CLEC16A: variants seen among roughly 807,000 people sequenced by gnomAD.
The protein encoded by CLEC16A is C-type lectin domain containing 16A.
In CLEC16A, 51 loss-of-function variants were observed where a neutral mutation model predicts 109.5. The observed-to-expected ratio is 0.47, with a 90% CI of 0.37 to 0.59. The LOEUF is 0.59. Ranked by LOEUF, CLEC16A falls within the 20% of genes least tolerant of loss-of-function variation. The pLI, the probability that CLEC16A is intolerant of heterozygous loss-of-function variation, is 0.00. For synonymous variants in CLEC16A, 673 were observed against 564.2 expected, an observed-to-expected ratio of 1.19 and a Z score of -2.73; for missense variants, 1,339 against 1,394.0, an observed-to-expected ratio of 0.96 and a Z score of 0.63.
rs560802766 is a variant in CLEC16A, at chr16:11,161,361, C to T, written c.2642-5027C>T. Among the ~76,000 whole-genome samples, 6 of 152,220 alleles carry T rather than the reference C, an allele frequency of 3.9e-5. No individual in the cohort carries two copies. The South Asian group carries it at 1.0e-3, about 26-fold the overall frequency. On this transcript the variant is annotated intron_variant, in intron 22 of 23. Coordinates refer to ENST00000409790, the MANE Select transcript of CLEC16A (RefSeq NM_015226.3). ...CTCCTCCCAGGCTAATGCTGAGCTG[C>T]GTGAGCCATGAAGAATGGGGCAGGG... is the stretch of plus-strand genomic sequence containing the variant.
Position 10,961,022 on chromosome 16 carries a change from AG to A in CLEC16A, c.210-1431del, listed in dbSNP as rs2146051421. The stretch of plus-strand genomic sequence containing the variant: ...TCCCCTATGGAGTTTTAAAAAATCT[AG>A]GTTCATGGATTTTATGCTAGACCTA... On this transcript the variant is annotated intron_variant, in intron 2 of 23. Transcript: ENST00000409790. The surrounding 1 kb of genome is among the most constrained non-coding windows in gnomAD (Gnocchi z 4.3). 6.6e-6 allele frequency among the ~76,000 whole-genome samples: 1 copy of A among 152,202 alleles called. No individual in the cohort carries two copies. The highest frequency in any genetic ancestry group is 2.4e-5 in the African/African-American group (1 of 41,514).
At chr16:10,978,460 C>T (rs973988567) in intron 8 of CLEC16A, among the ~76,000 whole-genome samples, 6 of 152,142 alleles carry the variant, frequency 3.9e-5, no homozygotes, top group African/African-American at 1.2e-4. Flanking sequence ...TTAGTAGAAA[C>T]GGGGTTTCAC....
At position 11,179,343 on chromosome 16, in the gene CLEC16A, C is replaced by G. The variant is rs2068887931; in HGVS notation, c.*653C>G. 1 of 152,140 alleles carries G rather than the reference C, an allele frequency of 6.6e-6. No homozygotes were observed. 9.4% of individuals were successfully genotyped at this position (152,140 alleles called of 1,614,324 possible). A position where few individuals can be genotyped will look rare whatever the true frequency, so the allele number is the denominator to read the frequency against. On this transcript the variant is annotated 3_prime_UTR_variant, in exon 24 of 24. Coordinates refer to ENST00000409790, the MANE Select transcript of CLEC16A (RefSeq NM_015226.3). The stretch of plus-strand genomic sequence containing the variant: ...CATTTATTTAAGTGATTCTTTGTTA[C>G]TCACTAACTCTGCAAGCCTGTGGAA...
At chr16:11,079,307 C>A (rs144457828) in intron 19 of CLEC16A, among the ~76,000 whole-genome samples, 2 of 152,332 alleles carry the variant, frequency 1.3e-5, no homozygotes, top group East Asian at 3.9e-4. Flanking sequence ...GGAGTAGAGA[C>A]TGTCCAGGCC....
At chr16:11,170,959 G>A (rs989705616) in intron 23 of CLEC16A, among the ~76,000 whole-genome samples, 1 of 152,208 alleles carries the variant, frequency 6.6e-6, no homozygotes, top group Non-Finnish European at 1.5e-5. Context: ...GGTTGGTGAG[G>A]CCCTGGTCCG....
chr16:11,030,263 C>G (rs1330142004), intron 13 of CLEC16A, among the ~76,000 whole-genome samples: 1 of 152,134 alleles, frequency 6.6e-6, no homozygotes, highest in Non-Finnish European at 1.5e-5. Context: ...GGATAAATAC[C>G]TAGGAATGGA....
At chr16:10,970,688 G>A (rs1202032548) in intron 4 of CLEC16A, among the ~76,000 whole-genome samples, 1 of 152,218 alleles carries the variant, frequency 6.6e-6, no homozygotes, top group Non-Finnish European at 1.5e-5. Flanking sequence ...CTGGGCATGA[G>A]CCACCACTCC....
Position 10,961,112 on chromosome 16 carries a change from A to G in CLEC16A, c.210-1343A>G, listed in dbSNP as rs1454955372. 6.6e-6 allele frequency among the ~76,000 whole-genome samples: 1 copy of G among 152,176 alleles called. No homozygotes were observed. The highest frequency in any genetic ancestry group is 1.5e-5 in the Non-Finnish European group (1 of 68,048). Reference sequence around the variant, plus strand: ...TTTAACAAGTTCCCAAGTTGGTCACAGTGCGGCAGTGAGTTTGCTGGTGGC... The same window carrying G: ...TTTAACAAGTTCCCAAGTTGGTCACGGTGCGGCAGTGAGTTTGCTGGTGGC... On this transcript the variant is annotated intron_variant, in intron 2 of 23. Transcript: ENST00000409790. This position sits in a 1 kb window ranked among gnomAD's most constrained non-coding sequence, Gnocchi z 4.3.
At chr16:11,091,102 G>C (rs1254613963) in intron 19 of CLEC16A, among the ~76,000 whole-genome samples, 2 of 152,160 alleles carry the variant, frequency 1.3e-5, no homozygotes, top group African/African-American at 2.4e-5. Flanking sequence ...GCCTAGCCAG[G>C]ATTTTGCCTT....
In CLEC16A at chr16:11,180,319, G is replaced by T. The variant is rs201183862; in HGVS notation, c.*1629G>T. On this transcript the variant is annotated 3_prime_UTR_variant, in exon 24 of 24. Transcript: ENST00000409790. ...GCCTCAGTCCTTAGAAGCCCTCTGG[G>T]TAGCTGTGCCCACCCAGCCTTCATG... The T allele has an allele frequency of 6.6e-6, 1 of 152,344 alleles. No homozygotes were observed. Among genetic ancestry groups the T allele is most frequent in the Non-Finnish European group, 1.5e-5 (1 of 68,146 alleles). 9.4% of individuals were successfully genotyped at this position (152,344 alleles called of 1,614,324 possible). A position where few individuals can be genotyped will look rare whatever the true frequency, so the allele number is the denominator to read the frequency against.
chr16:10,971,288 A>G, intron 5 of CLEC16A, 58 bp downstream of exon 5: 1 of 1,250,976 alleles, frequency 8.0e-7, no homozygotes, highest in East Asian at 2.4e-5. Flanking sequence ...GCAAGCACTC[A>G]CTCCCGTGTG....
chr16:11,053,034 G>T (rs1302415639), intron 18 of CLEC16A, among the ~76,000 whole-genome samples: 2 of 151,844 alleles, frequency 1.3e-5, no homozygotes, highest in African/African-American at 4.8e-5. Flanking sequence ...GGAACTACAG[G>T]CACAAGCTAC....
chr16:11,118,820 G>C (rs1441763438), intron 19 of CLEC16A, among the ~76,000 whole-genome samples: 1 of 152,142 alleles, frequency 6.6e-6, no homozygotes, highest in Non-Finnish European at 1.5e-5. Flanking sequence ...TGTATACAGT[G>C]AGAAAGAGGG....
chr16:11,147,577 G>C lies in CLEC16A; in HGVS notation c.2642-18811G>C, dbSNP rs74009927. Among the ~76,000 whole-genome samples the C allele has an allele frequency of 5.9e-5, 9 of 152,258 alleles. No individual in the cohort carries two copies. The East Asian group carries it at 1.7e-3, about 29-fold the overall frequency. ...CTCTACTCAGAACTTCTTAGGTAGG[G>C]GATGAAAATGTTCTAAATTGATTGT... On this transcript the variant is annotated intron_variant, in intron 22 of 23. Transcript: ENST00000409790.
intron 10 of CLEC16A, among the ~76,000 whole-genome samples, chr16:10,992,362 A>G (rs2044072159): frequency 6.6e-6 from 1 of 151,952 alleles, no homozygotes; most frequent in South Asian, 2.1e-4. Context: ...TTTAGATTCC[A>G]CAAGTGAGAT....
intron 3 of CLEC16A, among the ~76,000 whole-genome samples, chr16:10,968,085 G>A (rs994765926): frequency 1.3e-5 from 2 of 152,232 alleles, no homozygotes; most frequent in African/African-American, 4.8e-5. Context: ...TAGCTGTCCT[G>A]GGGGCCGGGC....
chr16:11,064,294 G>T (rs1176958573), intron 19 of CLEC16A, among the ~76,000 whole-genome samples: 1 of 152,228 alleles, frequency 6.6e-6, no homozygotes, highest in Non-Finnish European at 1.5e-5. Flanking sequence ...TGCCTCCCCA[G>T]CCCCAGCTGC....
intron 12 of CLEC16A, among the ~76,000 whole-genome samples, chr16:11,022,229 C>CG (rs1339390409): frequency 6.6e-6 from 1 of 151,936 alleles, no homozygotes; most frequent in African/African-American, 2.4e-5. Context: ...GAGCAGCTTT[C>CG]TCCTTTGTCA....
chr16:11,067,215 AAAGC>A, intron 19 of CLEC16A, among the ~76,000 whole-genome samples: 1 of 147,870 alleles, frequency 6.8e-6, no homozygotes, highest in African/African-American at 2.5e-5. Flanking sequence ...TTTTTTAAAA[AAAGC>A]AAGTGCAGAC....
Sources: allele counts gnomAD v4.1 joint callset (sites outside exome capture counted in the v4.1 genomes callset), GRCh38; gene constraint gnomAD v4.1.1; non-coding constraint Gnocchi (gnomAD v3.1); transcripts MANE v1.5; gene names NCBI Gene and HGNC (gene_info 2026-07-23, HGNC 2026-07-21).